CNTN4: variants seen among roughly 807,000 people sequenced by gnomAD.
CNTN4 encodes the protein contactin 4.
CNTN4 carries 77 observed loss-of-function variants against 122.5 expected under a neutral mutation model. The ratio of observed to expected loss-of-function variants is 0.63; its 90% CI spans 0.52 to 0.76. CNTN4 has a LOEUF of 0.76. Ranked by LOEUF, CNTN4 falls within the 30% of genes least tolerant of loss-of-function variation. CNTN4 has a pLI of 0.00. For synonymous variants in CNTN4, 512 were observed against 447.0 expected (o/e 1.15, Z -1.83); for missense variants, 1,256 against 1,259.1 (o/e 1.00, Z 0.04).
intron 14 of CNTN4, among the ~76,000 whole-genome samples, chr3:2,993,784 C>T (rs894827467): frequency 5.9e-5 from 9 of 152,198 alleles, no homozygotes; most frequent in African/African-American, 2.2e-4. Context: ...CTATACACAA[C>T]TTTTCTTGTA....
intron 4 of CNTN4, among the ~76,000 whole-genome samples, chr3:2,729,150 C>G (rs1314614887): frequency 6.6e-6 from 1 of 152,198 alleles, no homozygotes; most frequent in African/African-American, 2.4e-5. Context: ...GAAAAGGGTG[C>G]TGTTCTAAGG....
chr3:2,208,124 A>G (rs1421930488), intron 2 of CNTN4, among the ~76,000 whole-genome samples: 1 of 152,186 alleles, frequency 6.6e-6, no homozygotes, highest in Non-Finnish European at 1.5e-5. Flanking sequence ...TCATAAGGCT[A>G]TCAGTACCAT....
intron 7 of CNTN4, among the ~76,000 whole-genome samples, chr3:2,859,745 G>A (rs2093653665): frequency 6.6e-6 from 1 of 152,080 alleles, no homozygotes; most frequent in Non-Finnish European, 1.5e-5. Flanking sequence ...AATCATATAA[G>A]TTGTATGTCC....
chr3:2,485,405 A>T lies in CNTN4; in HGVS notation c.-88-86011A>T, dbSNP rs558063095. 3.3e-5 allele frequency among the ~76,000 whole-genome samples: 5 copies of T among 152,186 alleles called. No individual in the cohort carries two copies. In the South Asian group the frequency reaches 1.0e-3, roughly 32 times the overall value. On this transcript the variant is annotated intron_variant, in intron 3 of 24. Transcript: ENST00000418658. ...TCTAGTGGGGACTTGGAGAACCTTTATGTCTAGCTAAGGGATTGTAAATAC... is the reference window on the plus strand; with the variant it reads ...TCTAGTGGGGACTTGGAGAACCTTTTTGTCTAGCTAAGGGATTGTAAATAC...
intron 5 of CNTN4, among the ~76,000 whole-genome samples, chr3:2,741,748 A>G (rs543621013): frequency 1.5e-4 from 23 of 152,308 alleles, no homozygotes; most frequent in African/African-American, 4.8e-4. Context: ...ATGAAAACAC[A>G]TTTTGCAGCA....
chr3:3,054,386 C>T (rs1001600497), intron 24 of CNTN4, among the ~76,000 whole-genome samples: 2 of 152,134 alleles, frequency 1.3e-5, no homozygotes, highest in Admixed American at 6.6e-5. Flanking sequence ...GTATGCAGTT[C>T]AGTATCTTGG....
chr3:2,668,720 G>C (rs982462277), intron 4 of CNTN4, among the ~76,000 whole-genome samples: 38 of 152,230 alleles, frequency 2.5e-4, no homozygotes, highest in Non-Finnish European at 4.9e-4. Flanking sequence ...TATGATATTG[G>C]CTGTGGGTTT....
intron 2 of CNTN4, among the ~76,000 whole-genome samples, chr3:2,185,972 G>A (rs959974875): frequency 5.9e-5 from 9 of 151,524 alleles, no homozygotes; most frequent in Non-Finnish European, 8.8e-5. Context: ...GGGTACATGT[G>A]CACAACGTGC....
At chr3:2,478,746 C>T (rs2075902361) in intron 3 of CNTN4, among the ~76,000 whole-genome samples, 1 of 152,146 alleles carries the variant, frequency 6.6e-6, no homozygotes, top group South Asian at 2.1e-4. Context: ...ATCCATGTCC[C>T]TGCAAAGGAC....
intron 3 of CNTN4, among the ~76,000 whole-genome samples, chr3:2,471,783 A>G (rs754663165): frequency 2.0e-4 from 31 of 152,190 alleles, no homozygotes; most frequent in Admixed American, 9.8e-4. Flanking sequence ...TTTGCCAATG[A>G]ACTTTTCATT....
chr3:3,023,786 T>A (rs576957043), intron 14 of CNTN4, among the ~76,000 whole-genome samples: 43 of 152,338 alleles, frequency 2.8e-4, no homozygotes, highest in Non-Finnish European at 4.9e-4. Flanking sequence ...ATTCTCTGAA[T>A]TCCTCCTGCG....
chr3:2,285,382 C>G (rs141957078), intron 2 of CNTN4, among the ~76,000 whole-genome samples: 3 of 151,976 alleles, frequency 2.0e-5, no homozygotes, highest in Non-Finnish European at 4.4e-5. Flanking sequence ...ATTATTCAGC[C>G]ACAACATAAT....
intron 3 of CNTN4, among the ~76,000 whole-genome samples, chr3:2,488,754 A>G (rs1009444777): frequency 4.6e-5 from 7 of 152,214 alleles, no homozygotes; most frequent in African/African-American, 1.7e-4. Flanking sequence ...CTGTGAACAC[A>G]TCTGAACTTT....
chr3:2,620,578 T>C (rs1293177331), intron 4 of CNTN4, among the ~76,000 whole-genome samples: 1 of 152,132 alleles, frequency 6.6e-6, no homozygotes, highest in Non-Finnish European at 1.5e-5. Flanking sequence ...AATATTAGCC[T>C]CATACCTTCA....
At chr3:2,710,539 A>G (rs2087079235) in intron 4 of CNTN4, among the ~76,000 whole-genome samples, 1 of 152,196 alleles carries the variant, frequency 6.6e-6, no homozygotes, top group Non-Finnish European at 1.5e-5. Flanking sequence ...TTTTGTTACT[A>G]GACAGATAAA....
chr3:3,056,156 A>T lies in CNTN4; in HGVS notation c.3017A>T (p.Asn1006Ile). 1 of 1,614,090 alleles carries T rather than the reference A, an allele frequency of 6.2e-7. No homozygotes were observed. Among genetic ancestry groups the T allele is most frequent in the African/African-American group, 1.3e-5 (1 of 75,030 alleles). Residue 1006 changes from asparagine (N) to isoleucine (I), a missense_variant, in exon 25 of 25, where the codon AAT (asparagine) becomes ATT (isoleucine). Asn to Ile is a moderately radical substitution (Grantham distance 149). Transcript: ENST00000418658. ...YARGSGASTS[N>I]ACTLSAISTI... is the part of the protein sequence containing the mutation. ...AGAGGATCTGGGGCTTCCACTTCGAATGCATGTACGCTGTCAGCCATCAGT... is the reference window on the plus strand; with the variant it reads ...AGAGGATCTGGGGCTTCCACTTCGATTGCATGTACGCTGTCAGCCATCAGT...
At position 3,042,970 on chromosome 3, in the gene CNTN4, T is replaced by C; in HGVS notation, c.2512-7T>C. 1.2e-6 allele frequency: 2 copies of C among 1,612,312 alleles called. No individual in the cohort carries two copies. Among genetic ancestry groups the C allele is most frequent in the Non-Finnish European group, 8.5e-7 (1 of 1,178,366 alleles). On this transcript the variant is annotated splice_polypyrimidine_tract_variant and splice_region_variant and intron_variant, in intron 21 of 24. Transcript: ENST00000418658. The stretch of plus-strand genomic sequence containing the variant: ...GGTTTCCAAGGTCTTTCTGTTTATC[T>C]TCTTAGGTTAAATATTGGAGACATG...
At chr3:2,535,476 A>G (rs1319051371) in intron 3 of CNTN4, among the ~76,000 whole-genome samples, 1 of 152,046 alleles carries the variant, frequency 6.6e-6, no homozygotes, top group African/African-American at 2.4e-5. Flanking sequence ...TTCAACCATC[A>G]TGTGAGGTAG....
At chr3:2,582,496 G>C (rs1331760597) in intron 4 of CNTN4, among the ~76,000 whole-genome samples, 1 of 152,166 alleles carries the variant, frequency 6.6e-6, no homozygotes, top group Non-Finnish European at 1.5e-5. Flanking sequence ...GGGAGGGGCA[G>C]TCACTGGTCT....
Sources: allele counts gnomAD v4.1 joint callset (sites outside exome capture counted in the v4.1 genomes callset), GRCh38; gene constraint gnomAD v4.1.1; transcripts MANE v1.5; gene names NCBI Gene and HGNC (gene_info 2026-07-23, HGNC 2026-07-21).